RAB37: variants seen among roughly 807,000 people sequenced by gnomAD.
RAB37 encodes ras-related protein Rab-37.
In RAB37, 29 loss-of-function variants were observed where a neutral mutation model predicts 33.1. That is an observed-to-expected ratio of 0.88 (90% confidence interval 0.65 to 1.20). RAB37 has a LOEUF of 1.20. RAB37 is among the 50% of genes most tolerant of loss of function. RAB37 has a pLI of 0.00. For missense variants in RAB37, 299 were observed against 301.1 expected (o/e 0.99, Z 0.05); for synonymous variants, 128 against 119.5 (o/e 1.07, Z -0.47).
rs117631093 is a variant in RAB37, at chr17:74,730,260, G to A, written c.183+894G>A. Among the ~76,000 whole-genome samples the A allele has an allele frequency of 1.2e-3, 188 of 152,270 alleles. No individual in the cohort carries two copies. Among genetic ancestry groups the A allele is most frequent in the East Asian group, 8.3e-3 (43 of 5,176 alleles). On this transcript the variant is annotated intron_variant, in intron 2 of 7. Transcript: ENST00000340415. This position sits in a 1 kb window ranked among gnomAD's most constrained non-coding sequence, Gnocchi z 4.4. ...GCAAACATCTCTTCTTGGACAACGC[G>A]GATGTTTGGGAACCTCTGAGACCAG... is the stretch of plus-strand genomic sequence containing the variant.
At chr17:74,674,543 T>A (rs1049071144) in intron 1 of RAB37, among the ~76,000 whole-genome samples, 3 of 151,920 alleles carry the variant, frequency 2.0e-5, no homozygotes, top group African/African-American at 7.3e-5. Flanking sequence ...CTAGGCGTGG[T>A]AACACACTCC....
intron 1 of RAB37, among the ~76,000 whole-genome samples, chr17:74,697,367 G>C (rs751816894): frequency 1.6e-4 from 24 of 152,128 alleles, no homozygotes; most frequent in Non-Finnish European, 2.8e-4. Context: ...GAAATGGGGG[G>C]TTTTCCCCTG....
intron 1 of RAB37, chr17:74,704,273 C>A (rs1378475239): frequency 1.6e-5 from 9 of 580,130 alleles, no homozygotes; most frequent in Non-Finnish European, 2.8e-5. Context: ...AAGGCTTAAT[C>A]CCGTCGTGGA....
At chr17:74,692,460 T>C (rs925038906) in intron 1 of RAB37, among the ~76,000 whole-genome samples, 1 of 152,090 alleles carries the variant, frequency 6.6e-6, no homozygotes, top group Non-Finnish European at 1.5e-5. Context: ...CAGATGCCCT[T>C]GGGGTGTCCA....
Position 74,703,113 on chromosome 17 carries a change from G to C in RAB37, c.73-26143G>C, listed in dbSNP as rs372880370. On this transcript the variant is annotated intron_variant, in intron 1 of 7. Transcript: ENST00000340415. Reference sequence around the variant, plus strand: ...GGTGACTGGTGCTGTAAACGTAGTGGAGGTAGGCGTGGTGGGGGCAGGAGT... The same window carrying C: ...GGTGACTGGTGCTGTAAACGTAGTGCAGGTAGGCGTGGTGGGGGCAGGAGT... The C allele has an allele frequency of 5.6e-6, 9 of 1,613,784 alleles. No individual in the cohort carries two copies. In the African/African-American group the frequency reaches 1.2e-4, roughly 22 times the overall value.
chr17:74,681,502 C>T (rs1350468202), intron 1 of RAB37, among the ~76,000 whole-genome samples: 1 of 152,238 alleles, frequency 6.6e-6, no homozygotes, highest in Non-Finnish European at 1.5e-5. Context: ...GGATCCCTTC[C>T]ATGACCATCT....
intron 1 of RAB37, chr17:74,677,556 G>C (rs1477293737): frequency 2.6e-5 from 4 of 152,162 alleles, no homozygotes; most frequent in Non-Finnish European, 4.4e-5. Context: ...TGTCAGCTCA[G>C]GAACAAACAA....
intron 1 of RAB37, among the ~76,000 whole-genome samples, chr17:74,696,026 C>T (rs1042970341): frequency 2.0e-5 from 3 of 152,194 alleles, no homozygotes; most frequent in Non-Finnish European, 4.4e-5. Flanking sequence ...AGCCCTTGTC[C>T]CCCTGGCTGT....
Position 74,744,973 on chromosome 17 carries a change from C to A in RAB37, c.490-35C>A. 1 of 1,614,096 alleles carries A rather than the reference C, an allele frequency of 6.2e-7. No homozygotes were observed. Among genetic ancestry groups the A allele is most frequent in the Non-Finnish European group, 8.5e-7 (1 of 1,179,912 alleles). ...GACAGGGTGAAGGGTGGGGGCAACC[C>A]GACGCTGGCCCTGAGGACACTCTCT... On this transcript the variant is annotated intron_variant, in intron 7 of 8. Coordinates refer to ENST00000392613, the MANE Select transcript of RAB37 (RefSeq NM_001006638.3). The surrounding 1 kb of genome is among the most constrained non-coding windows in gnomAD (Gnocchi z 4.2).
intron 1 of RAB37, among the ~76,000 whole-genome samples, chr17:74,703,999 C>T (rs944139131): frequency 6.6e-6 from 1 of 152,220 alleles, no homozygotes; most frequent in African/African-American, 2.4e-5. Flanking sequence ...GGGAATTAGA[C>T]CCCAGCACCC....
At chr17:74,703,175 C>G in intron 1 of RAB37, 1 of 1,580,584 alleles carries the variant, frequency 6.3e-7, no homozygotes. Flanking sequence ...TAAACCAGAT[C>G]ACAGATGCCC....
intron 1 of RAB37, among the ~76,000 whole-genome samples, chr17:74,678,836 T>C (rs8069119): frequency 0.58 from 88,488 of 152,090 alleles, 31,000 homozygotes; most frequent in Middle Eastern, 0.79. Flanking sequence ...GCAGGCTGGG[T>C]GCAGTGGCTT....
chr17:74,736,378 G>C (rs1254185251), upstream of RAB37, among the ~76,000 whole-genome samples: 1 of 152,226 alleles, frequency 6.6e-6, no homozygotes, highest in Non-Finnish European at 1.5e-5. Flanking sequence ...CAGAGCCCCT[G>C]AGCTCTGCTA....
chr17:74,722,302 AAGAG>A (rs1175761844), intron 1 of RAB37, among the ~76,000 whole-genome samples: 6 of 151,938 alleles, frequency 3.9e-5, no homozygotes, highest in African/African-American at 1.2e-4. Context: ...AAAAAAAAGA[AAGAG>A]AGAGAGATTT....
intron 1 of RAB37, among the ~76,000 whole-genome samples, chr17:74,697,761 G>A (rs994542527): frequency 1.3e-5 from 2 of 152,188 alleles, no homozygotes; most frequent in African/African-American, 4.8e-5. Flanking sequence ...TTCACAAAGG[G>A]CAAGTAGGTC....
At chr17:74,684,190 C>T (rs2032008609) in intron 1 of RAB37, among the ~76,000 whole-genome samples, 1 of 152,052 alleles carries the variant, frequency 6.6e-6, no homozygotes, top group South Asian at 2.1e-4. Context: ...CCTCTGCCTC[C>T]CAGGTTCAAG....
chr17:74,697,211 G>A (rs562293542), intron 1 of RAB37, among the ~76,000 whole-genome samples: 3 of 152,204 alleles, frequency 2.0e-5, no homozygotes, highest in Non-Finnish European at 2.9e-5. Flanking sequence ...CCCTAAGTGC[G>A]GAGATTATAG....
chr17:74,735,893 C>T (rs1417002491), upstream of RAB37, among the ~76,000 whole-genome samples: 1 of 152,160 alleles, frequency 6.6e-6, no homozygotes, highest in Non-Finnish European at 1.5e-5. Flanking sequence ...TACCCCTGCT[C>T]CTCACCTCCA....
At chr17:74,673,622 G>T (rs1168267374) in intron 1 of RAB37, among the ~76,000 whole-genome samples, 1 of 151,874 alleles carries the variant, frequency 6.6e-6, no homozygotes. Flanking sequence ...ACCCACACAC[G>T]AGATGTAGGA....
Sources: allele counts gnomAD v4.1 joint callset (sites outside exome capture counted in the v4.1 genomes callset), GRCh38; gene constraint gnomAD v4.1.1; non-coding constraint Gnocchi (gnomAD v3.1); transcripts MANE v1.5; gene names NCBI Gene and HGNC (gene_info 2026-07-23, HGNC 2026-07-21).